Variants in ATP2B2 observed in about 807,000 individuals in gnomAD.
ATP2B2 encodes the protein ATPase plasma membrane Ca2+ transporting 2.
Under a neutral mutation model 120.0 loss-of-function variants are expected in ATP2B2, and 15 were observed. That is an observed-to-expected ratio of 0.12 (90% CI 0.08 to 0.19). The LOEUF (loss-of-function observed/expected upper bound fraction) is 0.19, where lower values mean the gene tolerates loss of function less well. Among genes scored for constraint, ATP2B2 ranks in the 10% least tolerant of loss-of-function variants. The pLI, the probability that ATP2B2 is intolerant of heterozygous loss-of-function variation, is 1.00. For synonymous variants in ATP2B2, 694 were observed against 700.3 expected (o/e 0.99, Z 0.14); for missense variants, 1,045 against 1,719.8 (o/e 0.61, Z 6.94).
At chr3:10,474,803 G>A (rs2065143743) in intron 1 of ATP2B2, among the ~76,000 whole-genome samples, 1 of 152,258 alleles carries the variant, frequency 6.6e-6, no homozygotes, top group African/African-American at 2.4e-5. Context: ...GCTGGCCAGT[G>A]AAGCTTTCTC....
intron 17 of ATP2B2, 72 bp from the exon 18 acceptor site, chr3:10,345,647 A>G: frequency 7.1e-7 from 1 of 1,408,038 alleles, no homozygotes; most frequent in East Asian, 2.3e-5. Context: ...CACCATCCTC[A>G]CTCCCTCCAC....
intron 1 of ATP2B2, among the ~76,000 whole-genome samples, chr3:10,460,335 G>A (rs554838040): frequency 1.7e-4 from 26 of 152,324 alleles, no homozygotes; most frequent in African/African-American, 5.8e-4. Flanking sequence ...CTGTCCTCAA[G>A]GGCACAGTGC....
At chr3:10,354,786 A>G (rs1006040199) in intron 14 of ATP2B2, among the ~76,000 whole-genome samples, 4 of 152,322 alleles carry the variant, frequency 2.6e-5, no homozygotes, top group Middle Eastern at 6.8e-3. Flanking sequence ...TGCAAAATGA[A>G]TCTTAATGTG....
chr3:10,338,272 C>T lies in ATP2B2; in HGVS notation c.3324G>A (p.Glu1108=). The change falls in exon 22 of 23, where the codon GAG becomes GAA. Residue 1108 remains glutamate, a synonymous_variant. Coordinates refer to ENST00000360273, the MANE Select transcript of ATP2B2 (RefSeq NM_001001331.4). ...LTQKEEIPEE[E]LNEDVEEIDH... Reference sequence around the variant, plus strand: ...CGATCTCCTCCACGTCCTCGTTGAGCTCCTCCTCCGGGATCTCCTCCTTCT... The same window carrying T: ...CGATCTCCTCCACGTCCTCGTTGAGTTCCTCCTCCGGGATCTCCTCCTTCT... The T allele has an allele frequency of 6.2e-7, 1 of 1,614,068 alleles. No homozygotes were observed. Among genetic ancestry groups the T allele is most frequent in the East Asian group, 2.2e-5 (1 of 44,870 alleles).
chr3:10,390,455 ATGT>A (rs2061811484), intron 5 of ATP2B2, among the ~76,000 whole-genome samples: 1 of 143,256 alleles, frequency 7.0e-6, no homozygotes, highest in Non-Finnish European at 1.5e-5. Flanking sequence ...TGATATCCCG[ATGT>A]TGTGTGTGTG....
At position 10,326,957 on chromosome 3, in the gene ATP2B2, G is replaced by T; in HGVS notation, c.*1857C>A. 1 of 398,572 alleles carries T rather than the reference G, an allele frequency of 2.5e-6. No individual in the cohort carries two copies. Among genetic ancestry groups the T allele is most frequent in the Non-Finnish European group, 4.4e-6 (1 of 226,066 alleles). The allele number at this position is 398,572 out of a possible 1,614,324, so 24.7% of individuals were successfully genotyped here. A position where few individuals can be genotyped will look rare whatever the true frequency, so the allele number is the denominator to read the frequency against. ...CCATCGTGAGGAGGGTCAGCATGAGGAATGGATTTTGCAAGAGAGGCGGAA... is the reference window on the plus strand; with the variant it reads ...CCATCGTGAGGAGGGTCAGCATGAGTAATGGATTTTGCAAGAGAGGCGGAA... On this transcript the variant is annotated 3_prime_UTR_variant, in exon 23 of 23. Coordinates refer to ENST00000360273, the MANE Select transcript of ATP2B2 (RefSeq NM_001001331.4).
intron 22 of ATP2B2, among the ~76,000 whole-genome samples, chr3:10,334,601 C>T (rs1003417322): frequency 2.0e-5 from 3 of 152,196 alleles, no homozygotes; most frequent in East Asian, 1.9e-4. Flanking sequence ...TGAAATGCAT[C>T]TCCATTTCAT....
chr3:10,553,421 CA>C (rs1478978776), intron 2 of ATP2B2, among the ~76,000 whole-genome samples: 2 of 152,050 alleles, frequency 1.3e-5, no homozygotes, highest in Non-Finnish European at 2.9e-5. Flanking sequence ...AGGGGAAGAA[CA>C]ATGGGATTGA....
At chr3:10,425,058 AG>A (rs1436059960) in intron 2 of ATP2B2, among the ~76,000 whole-genome samples, 8 of 152,048 alleles carry the variant, frequency 5.3e-5, no homozygotes, top group Non-Finnish European at 7.4e-5. Flanking sequence ...TGGGAGGCTG[AG>A]GCAGGTGGAT....
intron 10 of ATP2B2, among the ~76,000 whole-genome samples, chr3:10,376,616 C>T (rs1282832476): frequency 6.6e-6 from 1 of 152,204 alleles, no homozygotes; most frequent in Admixed American, 6.5e-5. Flanking sequence ...GCTGCGGAGA[C>T]TGCTCACACC....
chr3:10,360,792 G>A (rs568119843), intron 12 of ATP2B2, among the ~76,000 whole-genome samples: 4 of 152,318 alleles, frequency 2.6e-5, no homozygotes, highest in East Asian at 1.9e-4. Flanking sequence ...GTGGGTGTGC[G>A]TGTGTATTTT....
intron 2 of ATP2B2, among the ~76,000 whole-genome samples, chr3:10,439,890 G>T (rs1446051296): frequency 1.5e-5 from 2 of 131,466 alleles, no homozygotes; most frequent in African/African-American, 5.2e-5. Context: ...GAATAGCTGG[G>T]ATTACAAGCG....
chr3:10,376,273 T>A (rs891919024), intron 10 of ATP2B2, among the ~76,000 whole-genome samples: 4 of 152,040 alleles, frequency 2.6e-5, no homozygotes, highest in Admixed American at 6.6e-5. Flanking sequence ...AAGGCCAGGA[T>A]GATGTGATAG....
At chr3:10,518,627 C>G (rs917306444) in intron 3 of ATP2B2, among the ~76,000 whole-genome samples, 2 of 152,254 alleles carry the variant, frequency 1.3e-5, no homozygotes. Context: ...CCGCTGCGGC[C>G]GTGCTGACCT....
intron 2 of ATP2B2, among the ~76,000 whole-genome samples, chr3:10,576,915 A>G (rs544798223): frequency 3.8e-4 from 58 of 152,068 alleles, no homozygotes; most frequent in Middle Eastern, 3.4e-3. Context: ...TTAGCCTGGT[A>G]TGGTGGCGGG....
intron 14 of ATP2B2, 149 bp from the exon 15 acceptor site, chr3:10,350,726 T>TG (rs2060556718): frequency 8.6e-6 from 7 of 811,718 alleles, no homozygotes; most frequent in Non-Finnish European, 1.4e-5. Flanking sequence ...ACATGGCATA[T>TG]GGGCCACAGC....
rs766773779 is a variant in ATP2B2 at position 10,329,021 on chromosome 3, G to T, written c.3525C>A (p.Ile1175=). 12 of 1,613,858 alleles carry T rather than the reference G, an allele frequency of 7.4e-6. No individual in the cohort carries two copies. In the East Asian group the frequency reaches 2.2e-4, roughly 30 times the overall value. ...GGGGGATGTGGGGCTGGGAATCTTC[G>T]ATCCGGAATTCAGGATGAGCCATGA... ...HNFMAHPEFR[I]EDSQPHIPLI... The change falls in exon 23 of 23, where the codon ATC becomes ATA. Residue 1175 remains isoleucine, a synonymous_variant. Coordinates refer to ENST00000360273, the MANE Select transcript of ATP2B2 (RefSeq NM_001001331.4). The surrounding 1 kb of genome is among the most constrained non-coding windows in gnomAD (Gnocchi z 5.9).
chr3:10,522,298 T>C (rs2066999916), intron 3 of ATP2B2, among the ~76,000 whole-genome samples: 1 of 152,100 alleles, frequency 6.6e-6, no homozygotes, highest in South Asian at 2.1e-4. Flanking sequence ...CCCCTCATCA[T>C]AATAACCCCC....
intron 1 of ATP2B2, among the ~76,000 whole-genome samples, chr3:10,692,548 T>A (rs1384310270): frequency 6.6e-6 from 1 of 152,174 alleles, no homozygotes; most frequent in African/African-American, 2.4e-5. Flanking sequence ...CTCAAGAGCA[T>A]CTTCATGTTT....
Sources: gnomAD v4.1 joint callset for allele counts (sites outside exome capture counted in the v4.1 genomes callset) on GRCh38, gnomAD v4.1.1 for gene constraint, Gnocchi (gnomAD v3.1) non-coding constraint, MANE v1.5 for transcripts, NCBI Gene and HGNC (gene_info 2026-07-23, HGNC 2026-07-21) for gene names.